Variants in ACVR1 observed in about 807,000 individuals in gnomAD.
ACVR1 encodes the protein activin receptor type-1.
Under a neutral mutation model 57.1 loss-of-function variants are expected in ACVR1, and 38 were observed. The observed-to-expected ratio is 0.67, with a 90% CI of 0.51 to 0.87. The LOEUF (loss-of-function observed/expected upper bound fraction) is 0.87, where lower values mean the gene tolerates loss of function less well. Among genes scored for constraint, ACVR1 ranks in the 40% least tolerant of loss-of-function variants. The pLI, the probability that ACVR1 is intolerant of heterozygous loss-of-function variation, is 0.00. For missense variants in ACVR1, 463 were observed against 638.2 expected (o/e 0.73, Z 2.96); for synonymous variants, 212 against 228.1 (o/e 0.93, Z 0.63).
chr2:157,778,163 T>A lies in ACVR1; in HGVS notation c.511A>T (p.Ile171Phe). ...GTGCTGTCTCCAACATTGGTGGTGA[T>A]GAGCCCTTCGATAGTGCCATACTCC... Reference protein sequence around the residue: ...DVEYGTIEGLITTNVGDSTLA... With the variant: ...DVEYGTIEGLFTTNVGDSTLA... Residue 171 changes from isoleucine (I) to phenylalanine (F), a missense_variant, in exon 5 of 11, where the codon ATC becomes TTC. Ile to Phe is a conservative substitution (Grantham distance 21). Transcript: ENST00000434821. 6.2e-7 allele frequency: 1 copy of A among 1,613,892 alleles called. No homozygotes were observed. Among genetic ancestry groups the A allele is most frequent in the Non-Finnish European group, 8.5e-7 (1 of 1,179,894 alleles).
chr2:157,828,445 G>T (rs1258318329), intron 1 of ACVR1, among the ~76,000 whole-genome samples: 1 of 72,054 alleles, frequency 1.4e-5, no homozygotes, highest in Non-Finnish European at 2.8e-5. Flanking sequence ...GCAAGACTCC[G>T]TCTCAAAAAA....
intron 7 of ACVR1, among the ~76,000 whole-genome samples, chr2:157,767,235 G>A (rs568925123): frequency 3.7e-4 from 56 of 152,168 alleles, no homozygotes; most frequent in African/African-American, 1.2e-3. Context: ...GTTTCCCCAC[G>A]TTGGCCACGC....
chr2:157,839,524 A>G (rs977334828), intron 1 of ACVR1, among the ~76,000 whole-genome samples: 16 of 152,218 alleles, frequency 1.1e-4, no homozygotes, highest in African/African-American at 3.9e-4. Flanking sequence ...CCCAGGGAGA[A>G]ATGGAACACG....
At chr2:157,850,608 T>C (rs1689261861) in intron 1 of ACVR1, among the ~76,000 whole-genome samples, 1 of 152,156 alleles carries the variant, frequency 6.6e-6, no homozygotes, top group Non-Finnish European at 1.5e-5. Flanking sequence ...TGACAACATC[T>C]CTTATGAAAT....
chr2:157,850,775 G>A (rs1462698255), intron 1 of ACVR1, among the ~76,000 whole-genome samples: 2 of 152,064 alleles, frequency 1.3e-5, no homozygotes, highest in Admixed American at 6.5e-5. Flanking sequence ...TGGCCAACAC[G>A]GTGAAACCCC....
At chr2:157,834,655 A>G (rs985209404) in intron 1 of ACVR1, among the ~76,000 whole-genome samples, 5 of 152,146 alleles carry the variant, frequency 3.3e-5, no homozygotes, top group African/African-American at 1.2e-4. Flanking sequence ...AAATAAATAT[A>G]TTCATATATA....
At chr2:157,859,122 T>C (rs550465384) in intron 1 of ACVR1, among the ~76,000 whole-genome samples, 2 of 152,190 alleles carry the variant, frequency 1.3e-5, no homozygotes, top group African/African-American at 4.8e-5. Flanking sequence ...CCGAGACAGT[T>C]AGGCATTCTA....
chr2:157,826,799 AAAAGGAAAAGG>A (rs1688394740), intron 1 of ACVR1, among the ~76,000 whole-genome samples: 1 of 131,290 alleles, frequency 7.6e-6, no homozygotes, highest in African/African-American at 3.3e-5. Context: ...AGGGAAAGGG[AAAAGGAAAAGG>A]AAAGGAAAGG....
chr2:157,814,496 G>A (rs1198073442), intron 2 of ACVR1, among the ~76,000 whole-genome samples: 1 of 152,132 alleles, frequency 6.6e-6, no homozygotes, highest in Non-Finnish European at 1.5e-5. Flanking sequence ...ACAGGCAAGG[G>A]CATGAGAAAA....
chr2:157,856,527 C>T (rs952252210), intron 1 of ACVR1, among the ~76,000 whole-genome samples: 1 of 152,136 alleles, frequency 6.6e-6, no homozygotes, highest in Non-Finnish European at 1.5e-5. Flanking sequence ...AAAACAACAC[C>T]TCCCTCAATT....
chr2:157,824,330 T>A (rs1377398620), intron 1 of ACVR1, among the ~76,000 whole-genome samples: 1 of 152,068 alleles, frequency 6.6e-6, no homozygotes, highest in East Asian at 1.9e-4. Context: ...TAGCCTGGCA[T>A]GGTGGTGCAC....
At chr2:157,813,555 T>C (rs1687828251) in intron 2 of ACVR1, among the ~76,000 whole-genome samples, 1 of 152,232 alleles carries the variant, frequency 6.6e-6, no homozygotes, top group East Asian at 1.9e-4. Flanking sequence ...TCACTAGCCC[T>C]GGACTTTCTT....
intron 1 of ACVR1, among the ~76,000 whole-genome samples, chr2:157,819,926 G>A (rs920845482): frequency 2.0e-5 from 3 of 152,024 alleles, no homozygotes; most frequent in Admixed American, 6.6e-5. Flanking sequence ...AGAAAACAGC[G>A]CCTTTTTTTT....
intron 3 of ACVR1, among the ~76,000 whole-genome samples, chr2:157,783,092 C>T (rs1273348270): frequency 1.3e-5 from 2 of 152,200 alleles, no homozygotes; most frequent in Non-Finnish European, 2.9e-5. Flanking sequence ...GCCTGCTCAT[C>T]ATTGGTCCTA....
intron 2 of ACVR1, among the ~76,000 whole-genome samples, chr2:157,817,467 A>G (rs1020297018): frequency 1.3e-5 from 2 of 152,132 alleles, no homozygotes; most frequent in African/African-American, 4.8e-5. Context: ...GCATGTCATT[A>G]CTCATTTGTC....
chr2:157,756,976 T>TATATATATATTTGAG (rs1417217566), intron 9 of ACVR1, among the ~76,000 whole-genome samples: 2 of 145,160 alleles, frequency 1.4e-5, no homozygotes, highest in South Asian at 4.2e-4. Context: ...TATATATTTA[T>TATATATATATTTGAG]ATATATATAT....
intron 3 of ACVR1, among the ~76,000 whole-genome samples, chr2:157,787,435 C>A (rs1686753563): frequency 6.6e-6 from 1 of 152,012 alleles, no homozygotes; most frequent in Admixed American, 6.5e-5. Context: ...CTTTAAAAAC[C>A]AAAAAATACT....
rs1471416772 is a variant in ACVR1, at chr2:157,737,427, G to T, written c.*104C>A. Reference sequence around the variant, plus strand: ...CCTTGTCAAAGCAGCCATTTGGGGAGGGAGACAGATGGATTCCATTCTGAC... The same window carrying T: ...CCTTGTCAAAGCAGCCATTTGGGGATGGAGACAGATGGATTCCATTCTGAC... On this transcript the variant is annotated 3_prime_UTR_variant, in exon 11 of 11. Coordinates refer to ENST00000434821, the MANE Select transcript of ACVR1 (RefSeq NM_001111067.4). 6 of 1,456,744 alleles carry T rather than the reference G, an allele frequency of 4.1e-6. No homozygotes were observed. The highest frequency in any genetic ancestry group is 1.2e-5 in the South Asian group (1 of 83,864). 90.2% of individuals were successfully genotyped at this position (1,456,744 alleles called of 1,614,324 possible). A position where few individuals can be genotyped will look rare whatever the true frequency, so the allele number is the denominator to read the frequency against.
chr2:157,865,821 A>AAGATAGACAGAT (rs1689904001), intron 1 of ACVR1, among the ~76,000 whole-genome samples: 1 of 137,000 alleles, frequency 7.3e-6, no homozygotes, highest in Non-Finnish European at 1.5e-5. Flanking sequence ...AAAAAGAAAA[A>AAGATAGACAGAT]AGATAGATAG....
Sources: gnomAD v4.1 joint callset for allele counts (sites outside exome capture counted in the v4.1 genomes callset) on GRCh38, gnomAD v4.1.1 for gene constraint, MANE v1.5 for transcripts, NCBI Gene and HGNC (gene_info 2026-07-23, HGNC 2026-07-21) for gene names.